PLBD1: variants seen among roughly 807,000 people sequenced by gnomAD.
PLBD1 encodes the protein lysosomal leucine aminopeptidase.
A neutral mutation model predicts 63.0 loss-of-function variants in PLBD1; 60 were observed. That is an observed-to-expected ratio of 0.95 (90% CI 0.77 to 1.18). PLBD1 has a LOEUF of 1.18. PLBD1 is among the 50% of genes most tolerant of loss of function. The pLI is 0.00. For synonymous variants in PLBD1, 262 were observed against 248.0 expected, an observed-to-expected ratio of 1.06 and a Z score of -0.53; for missense variants, 598 against 677.9, an observed-to-expected ratio of 0.88 and a Z score of 1.31.
At chr12:14,557,979 C>G (rs11056025) in intron 1 of PLBD1, among the ~76,000 whole-genome samples, 380 of 151,130 alleles carry the variant, frequency 2.5e-3, no homozygotes, top group African/African-American at 8.3e-3. Flanking sequence ...CAGAATCAAC[C>G]TAAATGCCCA....
intron 2 of PLBD1, among the ~76,000 whole-genome samples, chr12:14,550,582 T>A (rs1277713086): frequency 6.6e-6 from 1 of 151,930 alleles, no homozygotes; most frequent in Non-Finnish European, 1.5e-5. Context: ...TCATCTCTAC[T>A]AAAAATAAAA....
chr12:14,538,941 G>A (rs1945542824), intron 4 of PLBD1, among the ~76,000 whole-genome samples: 1 of 152,132 alleles, frequency 6.6e-6, no homozygotes, highest in Admixed American at 6.5e-5. Context: ...CACGAGAATT[G>A]CTTGAGTCCA....
intron 6 of PLBD1, chr12:14,531,214 C>T (rs1009193454): frequency 1.3e-5 from 2 of 152,162 alleles, no homozygotes; most frequent in Non-Finnish European, 1.5e-5. Context: ...TATCCAGGTA[C>T]CATCTCTTTG....
At chr12:14,528,628 T>G (rs545188990) in intron 6 of PLBD1, among the ~76,000 whole-genome samples, 2 of 152,238 alleles carry the variant, frequency 1.3e-5, no homozygotes, top group South Asian at 4.1e-4. Context: ...TTGCTTATGA[T>G]AGAAAGATCA....
At chr12:14,536,415 CAA>C (rs1945514878) in intron 5 of PLBD1, among the ~76,000 whole-genome samples, 153 bp downstream of exon 5, 1 of 152,174 alleles carries the variant, frequency 6.6e-6, no homozygotes, top group Non-Finnish European at 1.5e-5. Context: ...TTCTCTCCAT[CAA>C]AGTTACTTCC....
chr12:14,543,404 AT>A (rs1169640128), intron 2 of PLBD1, among the ~76,000 whole-genome samples: 1 of 152,168 alleles, frequency 6.6e-6, no homozygotes, highest in Non-Finnish European at 1.5e-5. Flanking sequence ...TACCTTTTTA[AT>A]TAAAAATTTT....
chr12:14,512,467 A>T (rs1945306076), intron 6 of PLBD1, among the ~76,000 whole-genome samples: 1 of 152,154 alleles, frequency 6.6e-6, no homozygotes, highest in African/African-American at 2.4e-5. Context: ...TAATTTTTAT[A>T]AATGGAAAAA....
At chr12:14,529,394 T>C (rs1041984864) in intron 6 of PLBD1, among the ~76,000 whole-genome samples, 3 of 152,098 alleles carry the variant, frequency 2.0e-5, no homozygotes, top group Non-Finnish European at 2.9e-5. Flanking sequence ...ATTAACACGT[T>C]AGTAAACTGA....
At chr12:14,512,278 A>G (rs528447962) in intron 6 of PLBD1, among the ~76,000 whole-genome samples, 3 of 151,778 alleles carry the variant, frequency 2.0e-5, no homozygotes, top group African/African-American at 7.3e-5. Context: ...CCTCCTGAGT[A>G]GCTGGGGTTA....
At chr12:14,553,670 G>GTGTT in intron 1 of PLBD1, 1 of 529,604 alleles carries the variant, frequency 1.9e-6, no homozygotes, top group Non-Finnish European at 3.4e-6. Context: ...GTGAGCCTGA[G>GTGTT]TGTTTCATCC....
In PLBD1 at chr12:14,553,301, G is replaced by A; in HGVS notation, c.227C>T (p.Thr76Ile). The A allele has an allele frequency of 1.2e-6, 2 of 1,614,122 alleles. No individual in the cohort carries two copies. The highest frequency in any genetic ancestry group is 8.5e-7 in the Non-Finnish European group (1 of 1,180,010). The change falls in exon 2 of 11, where the codon ACC (threonine) becomes ATC (isoleucine). Residue 76 changes from threonine (T) to isoleucine (I), a missense_variant. By Grantham distance (89) the Thr-to-Ile change is moderately conservative (BLOSUM62 -1). Coordinates refer to ENST00000240617, the MANE Select transcript of PLBD1 (RefSeq NM_024829.6). ...GATCTCCAGGATGCCCCAGCCTGTG[G>A]TTTTCACAGAGTTATTGTAAAAGCC... The part of the protein sequence containing the change: ...AYGFYNNSVK[T>I]TGWGILEIRA...
chr12:14,521,325 C>T (rs1945374276), intron 6 of PLBD1, among the ~76,000 whole-genome samples: 3 of 152,064 alleles, frequency 2.0e-5, no homozygotes, highest in Admixed American at 6.6e-5. Flanking sequence ...AGGAGCAGTC[C>T]CTATGCACTT....
intron 2 of PLBD1, among the ~76,000 whole-genome samples, chr12:14,552,334 T>G (rs1314905545): frequency 1.3e-5 from 2 of 152,234 alleles, no homozygotes; most frequent in Non-Finnish European, 2.9e-5. Flanking sequence ...ATTAATTACG[T>G]CCTTGTTACT....
intron 6 of PLBD1, among the ~76,000 whole-genome samples, chr12:14,526,949 G>T (rs1258012682): frequency 6.6e-6 from 1 of 152,100 alleles, no homozygotes; most frequent in Non-Finnish European, 1.5e-5. Flanking sequence ...TCCAGCCTTG[G>T]CAACAAGAGC....
chr12:14,535,901 G>A, intron 5 of PLBD1, 98 bp from the exon 6 acceptor site: 1 of 1,310,032 alleles, frequency 7.6e-7, no homozygotes, highest in Non-Finnish European at 1.1e-6. Context: ...GCCATTTCAG[G>A]TAAGTGTTTA....
chr12:14,549,277 C>T (rs1046117188), intron 2 of PLBD1, among the ~76,000 whole-genome samples: 8 of 152,206 alleles, frequency 5.3e-5, no homozygotes, highest in South Asian at 2.1e-4. Flanking sequence ...ATACGGTGGC[C>T]GTCAAGGCAC....
At chr12:14,526,528 G>C (rs565787186) in intron 6 of PLBD1, among the ~76,000 whole-genome samples, 1 of 152,242 alleles carries the variant, frequency 6.6e-6, no homozygotes, top group East Asian at 1.9e-4. Flanking sequence ...CTCTAAAGTG[G>C]AGCACTTACA....
In PLBD1 at chr12:14,531,653, C is replaced by T. The variant is rs542572688; in HGVS notation, c.844+4006G>A. Among the ~76,000 whole-genome samples the T allele has an allele frequency of 1.5e-4, 23 of 152,228 alleles. No individual in the cohort carries two copies. In the East Asian group the frequency reaches 2.1e-3, roughly 14 times the overall value. Reference sequence around the variant, plus strand: ...AATCTCTTTGTTGTTGTTCTTGAGACGAGGCCTCACTCTGTCCCCCAAGCT... The same window carrying T: ...AATCTCTTTGTTGTTGTTCTTGAGATGAGGCCTCACTCTGTCCCCCAAGCT... On this transcript the variant is annotated intron_variant, in intron 6 of 10. Transcript: ENST00000240617.
intron 4 of PLBD1, among the ~76,000 whole-genome samples, chr12:14,540,153 TAATA>T (rs1214869582): frequency 7.1e-5 from 8 of 112,668 alleles, no homozygotes; most frequent in Middle Eastern, 6.8e-3. Flanking sequence ...AGACAAAACA[TAATA>T]AATGTAACAT....
Sources: allele counts gnomAD v4.1 joint callset (sites outside exome capture counted in the v4.1 genomes callset), GRCh38; gene constraint gnomAD v4.1.1; transcripts MANE v1.5; gene names NCBI Gene and HGNC (gene_info 2026-07-23, HGNC 2026-07-21).